ASAP2: variants seen among roughly 807,000 people sequenced by gnomAD.
ASAP2 encodes ArfGAP with SH3 domain, ankyrin repeat and PH domain 2, also known as arf-GAP with SH3 domain, ANK repeat and PH domain-containing protein 2.
A neutral mutation model predicts 131.4 loss-of-function variants in ASAP2; 45 were observed. That is an observed-to-expected ratio of 0.34 (90% CI 0.27 to 0.44). The LOEUF (loss-of-function observed/expected upper bound fraction) is 0.44. ASAP2 is among the 20% of genes least tolerant of loss of function. ASAP2 has a pLI of 1.00. For missense variants in ASAP2, 1,011 were observed against 1,297.0 expected (o/e 0.78, Z 3.39); for synonymous variants, 510 against 503.0 (o/e 1.01, Z -0.19).
rs1677017865 is a variant in ASAP2 at position 9,404,447 on chromosome 2, A to G, written c.*1120A>G. On this transcript the variant is annotated 3_prime_UTR_variant, in exon 28 of 28. Coordinates refer to ENST00000281419, the MANE Select transcript of ASAP2 (RefSeq NM_003887.3). ...TCATTCTTAAGCTACTTGGGGTGGT[A>G]GTAGAGGATTAGGTTGTCTATTATA... 6.6e-6 allele frequency: 1 copy of G among 152,188 alleles called. No individual in the cohort carries two copies. The highest frequency in any genetic ancestry group is 1.5e-5 in the Non-Finnish European group (1 of 68,032). 9.4% of individuals were successfully genotyped at this position (152,188 alleles called of 1,614,324 possible). A position where few individuals can be genotyped will look rare whatever the true frequency, so the allele number is the denominator to read the frequency against.
chr2:9,366,322 C>T (rs1673471669), intron 15 of ASAP2, among the ~76,000 whole-genome samples: 1 of 152,096 alleles, frequency 6.6e-6, no homozygotes, highest in Non-Finnish European at 1.5e-5. Context: ...CTCCTCCCAT[C>T]TCCCCACCCC....
chr2:9,243,920 G>A (rs1276634629), intron 1 of ASAP2, among the ~76,000 whole-genome samples: 1 of 152,168 alleles, frequency 6.6e-6, no homozygotes, highest in Non-Finnish European at 1.5e-5. Flanking sequence ...TGCTGTGTGT[G>A]TGTTAGTTTT....
chr2:9,254,236 A>AAAAAAATAC (rs1553297024), intron 1 of ASAP2, among the ~76,000 whole-genome samples: 1 of 47,110 alleles, frequency 2.1e-5, no homozygotes, highest in African/African-American at 1.4e-4. Context: ...AAAAAAAAAA[A>AAAAAAATAC]ATATATATAT....
At chr2:9,250,324 C>T (rs1664617779) in intron 1 of ASAP2, among the ~76,000 whole-genome samples, 1 of 152,130 alleles carries the variant, frequency 6.6e-6, no homozygotes, top group African/African-American at 2.4e-5. Context: ...TGCCTAGGCA[C>T]CAGGGAAAGA....
At chr2:9,300,105 C>T (rs1422826888) in intron 3 of ASAP2, among the ~76,000 whole-genome samples, 2 of 152,180 alleles carry the variant, frequency 1.3e-5, no homozygotes, top group African/African-American at 2.4e-5. Context: ...TGGTGGCTCA[C>T]GGCTGTAGTC....
At chr2:9,367,407 A>G (rs530478348) in intron 15 of ASAP2, among the ~76,000 whole-genome samples, 1 of 152,324 alleles carries the variant, frequency 6.6e-6, no homozygotes, top group Non-Finnish European at 1.5e-5. Flanking sequence ...AAATGAAAAT[A>G]TGTTTTCTCA....
chr2:9,391,073 T>G lies in ASAP2; in HGVS notation c.2395T>G (p.Ser799Ala), dbSNP rs753153351. 2.5e-5 allele frequency: 40 copies of G among 1,614,096 alleles called. No homozygotes were observed. Among genetic ancestry groups the G allele is most frequent in the Non-Finnish European group, 3.1e-5 (37 of 1,180,048 alleles). The part of the protein sequence containing the change: ...PRNVGKVQTA[S>A]SANTLWKTNS... ...GCGTGTGGGTTCAGTTCAGACAGCC[T>G]CCTCTGCTAACACCCTGTGGAAGAC... Residue 799 changes from serine to alanine, a missense_variant, in exon 23 of 28, where the codon TCC becomes GCC. Physicochemically the swap from Ser to Ala is moderately conservative, Grantham distance 99. Coordinates refer to ENST00000281419, the MANE Select transcript of ASAP2 (RefSeq NM_003887.3).
At chr2:9,264,197 AT>A (rs376947580) in intron 1 of ASAP2, among the ~76,000 whole-genome samples, 4,457 of 83,440 alleles carry the variant, frequency 0.053, 207 homozygotes, top group Admixed American at 0.13. Flanking sequence ...TCTCAAAAAA[AT>A]AATAATAATA....
chr2:9,301,213 A>G (rs1225022326), intron 3 of ASAP2, among the ~76,000 whole-genome samples: 1 of 152,198 alleles, frequency 6.6e-6, no homozygotes, highest in Non-Finnish European at 1.5e-5. Context: ...TTGTCCAGAA[A>G]GAATAACAAT....
At chr2:9,400,676 A>G (rs1444296044) in intron 25 of ASAP2, 66 bp from the exon 26 acceptor site, 3 of 1,408,958 alleles carry the variant, frequency 2.1e-6, no homozygotes, top group East Asian at 4.6e-5. Flanking sequence ...TGTGGCTTGT[A>G]CATTGTTTAC....
intron 1 of ASAP2, among the ~76,000 whole-genome samples, chr2:9,220,682 A>G (rs897803509): frequency 2.0e-5 from 3 of 152,208 alleles, no homozygotes; most frequent in African/African-American, 7.2e-5. Context: ...GTGTCCTTCA[A>G]AGGACAAATT....
chr2:9,292,392 C>T (rs1409746793), intron 2 of ASAP2, among the ~76,000 whole-genome samples: 2 of 152,080 alleles, frequency 1.3e-5, no homozygotes, highest in African/African-American at 4.8e-5. Flanking sequence ...GTGGTGTGCG[C>T]CTGTAGTCTC....
chr2:9,304,888 A>G (rs1420735039), intron 3 of ASAP2, among the ~76,000 whole-genome samples: 32 of 128,426 alleles, frequency 2.5e-4, no homozygotes, highest in Non-Finnish European at 3.7e-4. Context: ...ATTGGTGGAC[A>G]GGCTGGAGTA....
intron 1 of ASAP2, among the ~76,000 whole-genome samples, chr2:9,248,877 C>T (rs1217802279): frequency 6.6e-6 from 1 of 152,130 alleles, no homozygotes; most frequent in Non-Finnish European, 1.5e-5. Context: ...TGTTAGGTGG[C>T]AACGAGGCTG....
At chr2:9,357,014 A>G (rs1672755426) in intron 14 of ASAP2, among the ~76,000 whole-genome samples, 1 of 152,142 alleles carries the variant, frequency 6.6e-6, no homozygotes, top group Admixed American at 6.5e-5. Flanking sequence ...TATAAAATGA[A>G]AAAGATGGAG....
At chr2:9,271,443 C>T (rs1201661900) in intron 1 of ASAP2, 37 of 1,408,830 alleles carry the variant, frequency 2.6e-5, no homozygotes, top group East Asian at 6.8e-5. Flanking sequence ...ACTTCTTAAA[C>T]GCCTTCACTG....
intron 16 of ASAP2, 84 bp from the exon 17 acceptor site, chr2:9,374,671 C>T (rs981281634): frequency 1.3e-5 from 17 of 1,338,354 alleles, no homozygotes; most frequent in African/African-American, 3.0e-5. Flanking sequence ...GCGCAGGAAC[C>T]GTTAACATGG....
intron 1 of ASAP2, among the ~76,000 whole-genome samples, chr2:9,270,823 C>G (rs6731175): frequency 0.2 from 17,476 of 87,704 alleles, 1,530 homozygotes; most frequent in African/African-American, 0.32. Flanking sequence ...GACGGAGTCT[C>G]GCTCCGTCGC....
At chr2:9,370,519 G>A (rs1248516044) in intron 16 of ASAP2, among the ~76,000 whole-genome samples, 1 of 152,206 alleles carries the variant, frequency 6.6e-6, no homozygotes, top group Non-Finnish European at 1.5e-5. Context: ...TAGGGACATA[G>A]ATATCTCAGT....
Sources: allele counts gnomAD v4.1 joint callset (sites outside exome capture counted in the v4.1 genomes callset), GRCh38; gene constraint gnomAD v4.1.1; transcripts MANE v1.5; gene names NCBI Gene and HGNC (gene_info 2026-07-23, HGNC 2026-07-21).